The following FAP variants were observed in gnomAD, a reference collection of about 807,000 sequenced individuals.
FAP encodes the protein fibroblast activation protein alpha.
FAP carries 110 observed loss-of-function variants against 126.5 expected under a neutral mutation model. The ratio of observed to expected loss-of-function variants is 0.87; its 90% confidence interval spans 0.74 to 1.02. FAP has a LOEUF of 1.02. Among genes scored for constraint, FAP ranks in the 50% least tolerant of loss-of-function variants. FAP has a pLI of 0.00. For missense variants in FAP, 919 were observed against 909.2 expected, an observed-to-expected ratio of 1.01 and a Z score of -0.14; for synonymous variants, 334 against 297.3, an observed-to-expected ratio of 1.12 and a Z score of -1.27.
intron 12 of FAP, among the ~76,000 whole-genome samples, chr2:162,208,073 C>T (rs1444396675): frequency 6.7e-6 from 1 of 149,998 alleles, no homozygotes. Context: ...TTGGCTAACA[C>T]GGTGAAACCC....
intron 11 of FAP, among the ~76,000 whole-genome samples, chr2:162,211,845 A>G (rs1265511581): frequency 6.6e-6 from 1 of 152,072 alleles, no homozygotes; most frequent in Non-Finnish European, 1.5e-5. Flanking sequence ...TGTTTGGGGC[A>G]TGACTCTCAG....
rs1340028187 is a variant in FAP, at chr2:162,179,782, CTATCTATCTATA to C, written c.1869+3620_1869+3631del. 2.8e-3 allele frequency among the ~76,000 whole-genome samples: 190 copies of C among 68,242 alleles called. 1 individual carries two copies. Among genetic ancestry groups the C allele is most frequent in the African/African-American group, 8.1e-3 (176 of 21,786 alleles). 44.8% of individuals were successfully genotyped at this position (68,242 alleles called of 152,430 possible). Reference sequence around the variant, plus strand: ...CAGATCTATCTATCTATCTATCTATCTATCTATCTATATATATATATATATATATATTTTTTT... The same window carrying C: ...CAGATCTATCTATCTATCTATCTATCTATATATATATATATATATTTTTTT... On this transcript the variant is annotated intron_variant, in intron 21 of 25. Transcript: ENST00000188790.
chr2:162,175,258 C>T (rs894950821), intron 21 of FAP: 6 of 171,498 alleles, frequency 3.5e-5, no homozygotes, highest in African/African-American at 1.5e-4. Flanking sequence ...TTTTCTTTTG[C>T]AAAAAAAAAA....
At chr2:162,183,318 A>C in intron 21 of FAP, 96 bp downstream of exon 21, 1 of 937,550 alleles carries the variant, frequency 1.1e-6, no homozygotes, top group South Asian at 1.4e-5. Context: ...TTATGTTGCA[A>C]CATTAACATT....
chr2:162,217,644 G>T (rs1559785368), intron 9 of FAP, among the ~76,000 whole-genome samples: 1 of 152,102 alleles, frequency 6.6e-6, no homozygotes, highest in Non-Finnish European at 1.5e-5. Context: ...ATTTACATGA[G>T]AATTCAAGAG....
chr2:162,206,771 A>G (rs1056845831), intron 12 of FAP, among the ~76,000 whole-genome samples: 3 of 152,226 alleles, frequency 2.0e-5, no homozygotes, highest in Non-Finnish European at 4.4e-5. Context: ...ATACCAAAAA[A>G]GAAGTTAGGT....
chr2:162,225,120 A>G (rs1689580447), intron 4 of FAP, among the ~76,000 whole-genome samples: 1 of 152,150 alleles, frequency 6.6e-6, no homozygotes, highest in South Asian at 2.1e-4. Flanking sequence ...TTCCTACTTT[A>G]CCAAGGAAAA....
intron 12 of FAP, among the ~76,000 whole-genome samples, chr2:162,204,687 T>C (rs993541709): frequency 6.6e-6 from 1 of 152,176 alleles, no homozygotes; most frequent in Non-Finnish European, 1.5e-5. Context: ...CACCATGATT[T>C]CCGACTTCCA....
chr2:162,178,970 T>C (rs1687586698), intron 21 of FAP, among the ~76,000 whole-genome samples: 1 of 152,142 alleles, frequency 6.6e-6, no homozygotes, highest in South Asian at 2.1e-4. Flanking sequence ...AACTGCTACT[T>C]CACTGACTAA....
rs758377042 is a variant in FAP at position 162,202,897 on chromosome 2, T to C, written c.1198A>G (p.Ile400Val). The change falls in exon 14 of 26, where the codon ATA becomes GTA. Residue 400 changes from isoleucine (I) to valine (V), a missense_variant. Coordinates refer to ENST00000188790, the MANE Select transcript of FAP (RefSeq NM_004460.5). ...AGTGAATCCTGTGTTACTCTGAATATATTTATGGCCTCCCACTTGCCACTT... is the reference window on the plus strand; with the variant it reads ...AGTGAATCCTGTGTTACTCTGAATACATTTATGGCCTCCCACTTGCCACTT... ...ITSGKWEAIN[I>V]FRVTQDSLFY... 4 of 1,613,762 alleles carry C rather than the reference T, an allele frequency of 2.5e-6. No individual in the cohort carries two copies. The highest frequency in any genetic ancestry group is 3.4e-6 in the Non-Finnish European group (4 of 1,179,670).
intron 22 of FAP, among the ~76,000 whole-genome samples, chr2:162,174,259 A>AT (rs1247957404): frequency 6.6e-6 from 1 of 152,110 alleles, no homozygotes; most frequent in Non-Finnish European, 1.5e-5. Flanking sequence ...CTTAATCAAG[A>AT]TCCCCTACAA....
chr2:162,198,633 A>T, intron 16 of FAP, 124 bp downstream of exon 16: 1 of 1,224,444 alleles, frequency 8.2e-7, no homozygotes, highest in Non-Finnish European at 1.2e-6. Context: ...CTATAAGCAC[A>T]AGATAAGATT....
chr2:162,178,079 G>A (rs959884170), intron 21 of FAP, among the ~76,000 whole-genome samples: 3 of 152,174 alleles, frequency 2.0e-5, no homozygotes, highest in Admixed American at 6.5e-5. Context: ...TGTAAGTTCA[G>A]AGTCTAATAT....
Position 162,217,177 on chromosome 2 carries a change from G to A in FAP, c.762+809C>T, listed in dbSNP as rs191836109. On this transcript the variant is annotated intron_variant, in intron 9 of 25. Transcript: ENST00000188790. ...ACTTGTGTGTATACCACATCCAACCGTCTTTGTCACCCAGGGACCCACTGT... is the reference window on the plus strand; with the variant it reads ...ACTTGTGTGTATACCACATCCAACCATCTTTGTCACCCAGGGACCCACTGT... 7.9e-5 allele frequency among the ~76,000 whole-genome samples: 12 copies of A among 152,232 alleles called. No individual in the cohort carries two copies. In the Middle Eastern group the frequency reaches 0.01, roughly 129 times the overall value.
intron 21 of FAP, among the ~76,000 whole-genome samples, chr2:162,178,526 G>A (rs985199252): frequency 1.3e-5 from 2 of 152,182 alleles, no homozygotes; most frequent in Non-Finnish European, 2.9e-5. Flanking sequence ...GTCCCAAGGA[G>A]CAAAATCGCC....
chr2:162,184,081 G>T (rs534276422), intron 20 of FAP, among the ~76,000 whole-genome samples: 2 of 152,088 alleles, frequency 1.3e-5, no homozygotes, highest in Admixed American at 1.3e-4. Flanking sequence ...GGAGCAAGGG[G>T]CTACACTGAA....
chr2:162,171,946 T>G (rs1687318739), intron 25 of FAP: 1 of 152,154 alleles, frequency 6.6e-6, no homozygotes, highest in Non-Finnish European at 1.5e-5. Context: ...CCAGCTATTT[T>G]GAATTATACA....
intron 25 of FAP, 112 bp from the exon 26 acceptor site, chr2:162,171,192 A>G: frequency 2.9e-6 from 2 of 689,578 alleles, no homozygotes; most frequent in East Asian, 2.6e-5. Context: ...GGGAAACTGT[A>G]CCTAAGAACA....
intron 9 of FAP, among the ~76,000 whole-genome samples, chr2:162,217,293 G>A (rs1053129390): frequency 6.6e-6 from 1 of 152,114 alleles, no homozygotes; most frequent in African/African-American, 2.4e-5. Context: ...CCGATTCCTT[G>A]TGCAAGAGGT....
Sources: allele counts gnomAD v4.1 joint callset (sites outside exome capture counted in the v4.1 genomes callset), GRCh38; gene constraint gnomAD v4.1.1; transcripts MANE v1.5; gene names NCBI Gene and HGNC (gene_info 2026-07-23, HGNC 2026-07-21).